SLC27A1: variants seen among roughly 807,000 people sequenced by gnomAD.
SLC27A1 encodes the protein solute carrier family 27 member 1.
Under a neutral mutation model 62.2 loss-of-function variants are expected in SLC27A1, and 61 were observed. The ratio of observed to expected loss-of-function variants is 0.98; its 90% CI spans 0.80 to 1.21. SLC27A1 has a LOEUF of 1.21. Ranked by LOEUF, SLC27A1 falls within the 50% of genes most tolerant of loss-of-function variation. The probability of loss-of-function intolerance (pLI) is 0.00; values close to 1 mark genes in which losing one functional copy is unlikely to be tolerated. For missense variants in SLC27A1, 903 were observed against 932.1 expected (o/e 0.97, Z 0.41); for synonymous variants, 435 against 408.6 (o/e 1.06, Z -0.78).
chr19:17,492,276 G>A (rs1224014091), intron 6 of SLC27A1: 1 of 152,120 alleles, frequency 6.6e-6, no homozygotes, highest in Non-Finnish European at 1.5e-5. Flanking sequence ...GTGGTGTGGT[G>A]TCCTCCCACT....
Position 17,504,531 on chromosome 19 carries a change from C to A in SLC27A1, c.1860C>A (p.Phe620Leu). The change falls in exon 12 of 12, where the codon TTC (phenylalanine) becomes TTA (leucine). Residue 620 changes from phenylalanine (F) to leucine (L), a missense_variant. Transcript: ENST00000252595. ...GCCAGACCTCAGACCGGCTCTTCTTCCTGGACCTGAAGCAGGGCCACTACC... is the reference window on the plus strand; with the variant it reads ...GCCAGACCTCAGACCGGCTCTTCTTACTGGACCTGAAGCAGGGCCACTACC... ...DPRQTSDRLF[F>L]LDLKQGHYLP... 4.3e-6 allele frequency: 7 copies of A among 1,614,208 alleles called. No individual in the cohort carries two copies. The highest frequency in any genetic ancestry group is 5.9e-6 in the Non-Finnish European group (7 of 1,180,038).
chr19:17,491,437 T>C (rs1449700386), intron 6 of SLC27A1, among the ~76,000 whole-genome samples: 3 of 152,162 alleles, frequency 2.0e-5, no homozygotes, highest in Non-Finnish European at 4.4e-5. Flanking sequence ...TGGTAAGCAT[T>C]GTTTTTAAGT....
intron 1 of SLC27A1, among the ~76,000 whole-genome samples, chr19:17,483,545 C>T (rs1311592022): frequency 1.3e-5 from 2 of 151,970 alleles, no homozygotes; most frequent in African/African-American, 2.4e-5. Context: ...CTAGGGGCTT[C>T]CAGGGTAAGT....
rs756982648 is a variant in SLC27A1 at position 17,487,503 on chromosome 19, C to T, written c.768C>T (p.Pro256=). ...ACACGTCGGGGACCACCGGGCTGCC[C>T]AAGGCTGCCATTGTCGTGCACAGCA... ...YIYTSGTTGL[P]KAAIVVHSRY... is the part of the protein sequence containing the mutation. Residue 256 remains proline (P), a synonymous_variant, in exon 4 of 12, where the codon CCC becomes CCT. Transcript: ENST00000252595. The T allele has an allele frequency of 1.2e-6, 2 of 1,611,672 alleles. No individual in the cohort carries two copies. The highest frequency in any genetic ancestry group is 2.7e-5 in the African/African-American group (2 of 74,928).
chr19:17,485,174 C>G (rs1233474063), intron 1 of SLC27A1, among the ~76,000 whole-genome samples: 1 of 148,434 alleles, frequency 6.7e-6, no homozygotes, highest in Non-Finnish European at 1.5e-5. Context: ...CTTTCCTTTC[C>G]ATTTCCTTTT....
upstream of SLC27A1, among the ~76,000 whole-genome samples, chr19:17,469,254 C>T (rs2075050215): frequency 6.6e-6 from 1 of 152,106 alleles, no homozygotes; most frequent in South Asian, 2.1e-4. Context: ...AAGACCGCGG[C>T]GGTGTTTACA....
rs939725724 is a variant in SLC27A1 at position 17,505,219 on chromosome 19, G to A, written c.*607G>A. The A allele has an allele frequency of 1.7e-4, 49 of 293,486 alleles. No individual in the cohort carries two copies. Among genetic ancestry groups the A allele is most frequent in the Non-Finnish European group, 2.8e-4 (43 of 151,154 alleles). 18.2% of individuals were successfully genotyped at this position (293,486 alleles called of 1,614,324 possible). ...TTCCTTTTTCCTCTCCTCTCCTGCC[G>A]AGAGTGGAACACGCGTGTCCTGGGA... is the stretch of plus-strand genomic sequence containing the variant. On this transcript the variant is annotated 3_prime_UTR_variant, in exon 12 of 12. Transcript: ENST00000252595.
At chr19:17,489,489 TC>T (rs1250421426) in intron 6 of SLC27A1, among the ~76,000 whole-genome samples, 2 of 54,586 alleles carry the variant, frequency 3.7e-5, no homozygotes, top group Non-Finnish European at 1.4e-4. Context: ...CTCAATGCAA[TC>T]CTATAACTTT....
chr19:17,489,552 A>G (rs2075275187), intron 6 of SLC27A1, among the ~76,000 whole-genome samples: 1 of 152,182 alleles, frequency 6.6e-6, no homozygotes, highest in Non-Finnish European at 1.5e-5. Context: ...TAATGCGGCT[A>G]GGATTGGGCC....
chr19:17,500,559 T>C lies in SLC27A1; in HGVS notation c.1398T>C (p.Tyr466=). ...ACCCGCTGCGCCGCTTCGATGGCTA[T>C]GTCAGCGAGAGCGCCACCAGCAAGA... ...QQDPLRRFDG[Y]VSESATSKKI... is the part of the protein sequence containing the mutation. Residue 466 remains tyrosine (Y), a synonymous_variant, in exon 9 of 12, where the codon TAT becomes TAC. Coordinates refer to ENST00000252595, the MANE Select transcript of SLC27A1 (RefSeq NM_198580.3). 1 of 1,613,772 alleles carries C rather than the reference T, an allele frequency of 6.2e-7. No individual in the cohort carries two copies. The highest frequency in any genetic ancestry group is 8.5e-7 in the Non-Finnish European group (1 of 1,179,894).
At chr19:17,485,102 C>G (rs2075215206) in intron 1 of SLC27A1, among the ~76,000 whole-genome samples, 1 of 151,938 alleles carries the variant, frequency 6.6e-6, no homozygotes, top group Non-Finnish European at 1.5e-5. Context: ...GGGGACCACT[C>G]ATTTCTCCAG....
At chr19:17,483,380 G>C (rs903416423) in intron 1 of SLC27A1, among the ~76,000 whole-genome samples, 2 of 152,072 alleles carry the variant, frequency 1.3e-5, no homozygotes, top group Non-Finnish European at 2.9e-5. Flanking sequence ...TTTCCTGAGG[G>C]AGGCAATGAG....
intron 3 of SLC27A1, 53 bp downstream of exon 3, chr19:17,487,388 G>GGCCCC: frequency 5.3e-6 from 8 of 1,512,842 alleles, no homozygotes; most frequent in Non-Finnish European, 7.1e-6. Context: ...ACCCGCCCAG[G>GGCCCC]CCCCGCCCCC....
Position 17,497,370 on chromosome 19 carries a change from GGGA to G in SLC27A1, c.1117_1119del (p.Glu373del). On this transcript the variant is annotated inframe_deletion, in exon 7 of 12. Transcript: ENST00000252595. The stretch of plus-strand genomic sequence containing the variant: ...GGGAACGGGCTGCGTCCTGCCATCT[GGGA>G]GGAGTTCACGGAGCGCTTCGGCGTA... The G allele has an allele frequency of 1.2e-6, 2 of 1,603,858 alleles. No individual in the cohort carries two copies. Among genetic ancestry groups the G allele is most frequent in the East Asian group, 2.3e-5 (1 of 44,230 alleles).
chr19:17,488,656 C>T, intron 4 of SLC27A1, 192 bp from the exon 5 acceptor site: 1 of 618,608 alleles, frequency 1.6e-6, no homozygotes, highest in East Asian at 2.8e-5. Flanking sequence ...TGCCCCTTGA[C>T]CCTATTATAT....
chr19:17,470,312 C>G (rs1352838887), upstream of SLC27A1: 1 of 501,060 alleles, frequency 2.0e-6, no homozygotes, highest in Non-Finnish European at 3.4e-6. Context: ...TCCTAGTTAG[C>G]GGGCGGGTGT....
At chr19:17,480,025 G>A (rs182616439) in intron 1 of SLC27A1, among the ~76,000 whole-genome samples, 2 of 151,888 alleles carry the variant, frequency 1.3e-5, no homozygotes, top group East Asian at 1.9e-4. Flanking sequence ...TTTATCTTTC[G>A]ATACAAAAAA....
intron 1 of SLC27A1, among the ~76,000 whole-genome samples, chr19:17,475,491 C>T (rs2144545193): frequency 6.6e-6 from 1 of 152,150 alleles, no homozygotes; most frequent in South Asian, 2.1e-4. Context: ...GCCATGATTG[C>T]CCCACTGCAC....
chr19:17,494,484 C>T (rs1292765172), intron 6 of SLC27A1, among the ~76,000 whole-genome samples: 6 of 151,774 alleles, frequency 4.0e-5, no homozygotes, highest in Admixed American at 6.6e-5. Flanking sequence ...TGTGCCACCA[C>T]GCCTGGCTAA....
Sources: allele counts gnomAD v4.1 joint callset (sites outside exome capture counted in the v4.1 genomes callset), GRCh38; gene constraint gnomAD v4.1.1; transcripts MANE v1.5; gene names NCBI Gene and HGNC (gene_info 2026-07-23, HGNC 2026-07-21).